SNUPN: variants seen among roughly 807,000 people sequenced by gnomAD.
SNUPN encodes snurportin 1.
Under a neutral mutation model 39.2 loss-of-function variants are expected in SNUPN, and 31 were observed. The observed-to-expected ratio is 0.79, with a 90% CI of 0.59 to 1.07. The LOEUF is 1.07. Among genes scored for constraint, SNUPN ranks in the 50% least tolerant of loss-of-function variants. SNUPN has a pLI of 0.00. For missense variants in SNUPN, 382 were observed against 434.2 expected, an observed-to-expected ratio of 0.88 and a Z score of 1.07; for synonymous variants, 132 against 159.0, an observed-to-expected ratio of 0.83 and a Z score of 1.28.
intron 3 of SNUPN, among the ~76,000 whole-genome samples, chr15:75,611,517 G>A (rs1892781425): frequency 6.6e-6 from 1 of 151,764 alleles, no homozygotes; most frequent in South Asian, 2.1e-4. Flanking sequence ...CCCCCAAAGT[G>A]CTGGGATTAC....
chr15:75,613,852 C>T (rs1389036400), intron 3 of SNUPN, among the ~76,000 whole-genome samples: 1 of 152,126 alleles, frequency 6.6e-6, no homozygotes, highest in Non-Finnish European at 1.5e-5. Flanking sequence ...GTAGTGGAGT[C>T]ACTTTGGAGA....
intron 1 of SNUPN, among the ~76,000 whole-genome samples, chr15:75,622,748 C>T (rs557258679): frequency 7.2e-5 from 11 of 152,312 alleles, no homozygotes; most frequent in African/African-American, 2.4e-4. Flanking sequence ...CTCCATAGGC[C>T]TCTACTTGGC....
At chr15:75,619,769 G>C (rs1169083288) in intron 2 of SNUPN, among the ~76,000 whole-genome samples, 1 of 151,930 alleles carries the variant, frequency 6.6e-6, no homozygotes, top group African/African-American at 2.4e-5. Flanking sequence ...TTATTTATTT[G>C]AGAGAGTCTA....
chr15:75,620,815 A>G, intron 2 of SNUPN, 79 bp downstream of exon 2: 1 of 1,279,664 alleles, frequency 7.8e-7, no homozygotes, highest in Non-Finnish European at 1.1e-6. Flanking sequence ...GAGAGTCTGT[A>G]GAGACAAGCC....
rs1892966866 is a variant in SNUPN at position 75,617,478 on chromosome 15, T to A, written c.233A>T (p.Glu78Val). The A allele has an allele frequency of 6.2e-7, 1 of 1,614,038 alleles. No homozygotes were observed. Among genetic ancestry groups the A allele is most frequent in the African/African-American group, 1.3e-5 (1 of 74,926 alleles). The change falls in exon 3 of 9, where the codon GAA becomes GTA. Residue 78 changes from glutamate (E) to valine (V), a missense_variant. Transcript: ENST00000308588. Reference sequence around the variant, plus strand: ...CATTTCTTCATCATCTTTCTTATTTTCTTCCTCACTCTCCATCCCTGTCCA... The same window carrying A: ...CATTTCTTCATCATCTTTCTTATTTACTTCCTCACTCTCCATCCCTGTCCA... ...DDWTGMESEE[E>V]NKKDDEEMDI...
chr15:75,622,423 A>T, intron 1 of SNUPN: 1 of 984,726 alleles, frequency 1.0e-6, no homozygotes, highest in Non-Finnish European at 1.2e-6. Flanking sequence ...CATAAAGTAC[A>T]TTAGGGAAAC....
chr15:75,609,667 G>T lies in SNUPN; in HGVS notation c.409-16C>A. 6.3e-7 allele frequency: 1 copy of T among 1,584,098 alleles called. No individual in the cohort carries two copies. The highest frequency in any genetic ancestry group is 8.6e-7 in the Non-Finnish European group (1 of 1,160,284). On this transcript the variant is annotated splice_polypyrimidine_tract_variant and intron_variant, in intron 4 of 8. Transcript: ENST00000308588. ...TGGTAGAACCCTGCATGGAGAGAAA[G>T]TTACCATTCTTATTAGACCTCAAGG...
At chr15:75,610,492 C>T (rs1033103925) in intron 3 of SNUPN, among the ~76,000 whole-genome samples, 19 of 151,896 alleles carry the variant, frequency 1.3e-4, no homozygotes, top group Non-Finnish European at 1.3e-4. Flanking sequence ...GTCTCCTGCA[C>T]AGCTGACAGG....
At chr15:75,605,094 G>C (rs1273252920) in intron 7 of SNUPN, 56 bp downstream of exon 7, 11 of 1,078,082 alleles carry the variant, frequency 1.0e-5, no homozygotes, top group Non-Finnish European at 1.6e-5. Flanking sequence ...TTAGATAACA[G>C]ACCAATCCAC....
At chr15:75,620,362 T>C (rs2141378377) in intron 2 of SNUPN, among the ~76,000 whole-genome samples, 1 of 152,268 alleles carries the variant, frequency 6.6e-6, no homozygotes, top group South Asian at 2.1e-4. Context: ...CAAACACTCT[T>C]ATCCTGCCCT....
At chr15:75,613,053 C>T (rs994210622) in intron 3 of SNUPN, among the ~76,000 whole-genome samples, 3 of 151,794 alleles carry the variant, frequency 2.0e-5, no homozygotes, top group African/African-American at 2.4e-5. Context: ...GTCAGGAGAT[C>T]GAGACCATCC....
intron 8 of SNUPN, among the ~76,000 whole-genome samples, 162 bp from the exon 9 acceptor site, chr15:75,598,843 A>C (rs1390917121): frequency 6.6e-6 from 1 of 152,112 alleles, no homozygotes; most frequent in Non-Finnish European, 1.5e-5. Flanking sequence ...TCTCTAAATA[A>C]AGAAATGGCC....
At chr15:75,624,512 A>T (rs1453792554) in intron 1 of SNUPN, among the ~76,000 whole-genome samples, 6 of 148,126 alleles carry the variant, frequency 4.1e-5, no homozygotes, top group African/African-American at 9.9e-5. Context: ...AAAAAAAAAA[A>T]ATACAAAAAA....
chr15:75,601,318 T>C, intron 7 of SNUPN, 100 bp from the exon 8 acceptor site: 1 of 804,902 alleles, frequency 1.2e-6, no homozygotes, highest in East Asian at 2.7e-5. Flanking sequence ...CTCACACCTG[T>C]AATCCCAGCA....
At chr15:75,607,088 A>C in intron 6 of SNUPN, 128 bp downstream of exon 6, 1 of 723,378 alleles carries the variant, frequency 1.4e-6, no homozygotes, top group Non-Finnish European at 2.5e-6. Flanking sequence ...GCATTAGATA[A>C]TGTTCTTGAT....
chr15:75,607,133 C>T (rs1293749147), intron 6 of SNUPN, 83 bp downstream of exon 6: 2 of 931,894 alleles, frequency 2.1e-6, no homozygotes, highest in Non-Finnish European at 3.6e-6. Context: ...AAGTTGGTCA[C>T]ATACCAAACC....
chr15:75,606,298 G>C (rs1433874427), intron 6 of SNUPN, among the ~76,000 whole-genome samples: 3 of 152,094 alleles, frequency 2.0e-5, no homozygotes, highest in Admixed American at 6.6e-5. Context: ...CCAATACCTA[G>C]TGTGTTTTGG....
chr15:75,622,284 G>A (rs1268145303), intron 1 of SNUPN: 3 of 845,204 alleles, frequency 3.5e-6, no homozygotes, highest in Non-Finnish European at 4.3e-6. Flanking sequence ...TATTCTAGTT[G>A]TGTTTTGTTT....
Position 75,622,616 on chromosome 15 carries a change from T to G in SNUPN, c.-5-1560A>C, listed in dbSNP as rs1893099786. 3 of 482,140 alleles carry G rather than the reference T, an allele frequency of 6.2e-6. No individual in the cohort carries two copies. The South Asian group carries it at 2.7e-4, about 43-fold the overall frequency. 29.9% of individuals were successfully genotyped at this position (482,140 alleles called of 1,614,324 possible). A position where few individuals can be genotyped will look rare whatever the true frequency, so the allele number is the denominator to read the frequency against. Reference sequence around the variant, plus strand: ...TTGCACTGCTGGGCTGGCCCAGCCCTTTGGTTCTAGTGTAAACCAGAGGGC... The same window carrying G: ...TTGCACTGCTGGGCTGGCCCAGCCCGTTGGTTCTAGTGTAAACCAGAGGGC... On this transcript the variant is annotated intron_variant, in intron 1 of 8. Coordinates refer to ENST00000308588, the MANE Select transcript of SNUPN (RefSeq NM_005701.4).
Sources: allele counts gnomAD v4.1 joint callset (sites outside exome capture counted in the v4.1 genomes callset), GRCh38; gene constraint gnomAD v4.1.1; transcripts MANE v1.5; gene names NCBI Gene and HGNC (gene_info 2026-07-23, HGNC 2026-07-21).